UVRAG: variants seen among roughly 807,000 people sequenced by gnomAD.
UVRAG encodes UV radiation resistance associated, also known as UV radiation resistance-associated gene protein.
Under a neutral mutation model 78.0 loss-of-function variants are expected in UVRAG, and 19 were observed. The observed-to-expected ratio is 0.24, with a 90% CI of 0.17 to 0.36. The LOEUF is 0.36. Among genes scored for constraint, UVRAG ranks in the 10% least tolerant of loss-of-function variants. UVRAG has a pLI of 1.00. For missense variants in UVRAG, 740 were observed against 853.8 expected (o/e 0.87, Z 1.66); for synonymous variants, 323 against 324.6 (o/e 1.00, Z 0.05).
chr11:75,917,307 A>C (rs568156185), intron 6 of UVRAG, among the ~76,000 whole-genome samples: 1 of 152,194 alleles, frequency 6.6e-6, no homozygotes, highest in Non-Finnish European at 1.5e-5. Context: ...CAGTCATAAT[A>C]AAAAATATTT....
rs180676160 is a variant in UVRAG, at chr11:76,011,317, T to G, written c.1060+2450T>G. On this transcript the variant is annotated intron_variant, in intron 11 of 14. Coordinates refer to ENST00000356136, the MANE Select transcript of UVRAG (RefSeq NM_003369.4). ...AAATTTTAAGAAGCACATGCAGTAA[T>G]ATTGGACTTTAAAAATCTTACATTG... Among the ~76,000 whole-genome samples, 57 of 152,266 alleles carry G rather than the reference T, an allele frequency of 3.7e-4. No homozygotes were observed. In the East Asian group the frequency reaches 0.01, roughly 27 times the overall value.
chr11:76,128,544 C>T (rs1952455351), intron 14 of UVRAG, among the ~76,000 whole-genome samples: 1 of 152,312 alleles, frequency 6.6e-6, no homozygotes, highest in African/African-American at 2.4e-5. Flanking sequence ...TGGTAAGTGT[C>T]AGCAGCATTA....
chr11:76,119,082 A>G (rs118039404), intron 14 of UVRAG, among the ~76,000 whole-genome samples: 3 of 152,218 alleles, frequency 2.0e-5, no homozygotes, highest in East Asian at 3.9e-4. Flanking sequence ...TTTTAGTTCT[A>G]TGAGTATACT....
In UVRAG at chr11:76,109,387, C is replaced by T. The variant is rs188192267; in HGVS notation, c.1306-6537C>T. Among the ~76,000 whole-genome samples, 15 of 152,346 alleles carry T rather than the reference C, an allele frequency of 9.8e-5. No individual in the cohort carries two copies. The East Asian group carries it at 2.1e-3, about 22-fold the overall frequency. The stretch of plus-strand genomic sequence containing the variant: ...ACCAGCAAGATAAAGTTGAACTCTT[C>T]AGCTTAGCACTCTTAGCCCTCAGCA... On this transcript the variant is annotated intron_variant, in intron 13 of 14. Transcript: ENST00000356136.
At chr11:76,070,920 A>G (rs1373571443) in intron 13 of UVRAG, among the ~76,000 whole-genome samples, 1 of 152,234 alleles carries the variant, frequency 6.6e-6, no homozygotes, top group Non-Finnish European at 1.5e-5. Flanking sequence ...GACAACCATT[A>G]TATATCATTG....
intron 14 of UVRAG, among the ~76,000 whole-genome samples, chr11:76,125,799 G>C (rs1423386637): frequency 6.6e-6 from 1 of 152,048 alleles, no homozygotes; most frequent in African/African-American, 2.4e-5. Context: ...GGAAACAATA[G>C]CCCCATAATT....
At chr11:76,128,477 A>T (rs756878590) in intron 14 of UVRAG, among the ~76,000 whole-genome samples, 2 of 152,198 alleles carry the variant, frequency 1.3e-5, no homozygotes, top group African/African-American at 4.8e-5. Flanking sequence ...TCTGGATCGA[A>T]TGCACTGTCC....
chr11:75,843,221 T>C lies in UVRAG; in HGVS notation c.118-8662T>C, dbSNP rs866647345. On this transcript the variant is annotated intron_variant, in intron 1 of 14. Transcript: ENST00000356136. ...GTTCTGGTGTGTGATCTGACCGGGT[T>C]TTTTAAGACTTGCTTTCCGCTGTAT... 3.9e-5 allele frequency among the ~76,000 whole-genome samples: 6 copies of C among 152,292 alleles called. No homozygotes were observed. In the South Asian group the frequency reaches 1.2e-3, roughly 32 times the overall value.
intron 14 of UVRAG, among the ~76,000 whole-genome samples, chr11:76,133,064 A>G (rs1412695880): frequency 4.6e-5 from 7 of 152,232 alleles, no homozygotes. Flanking sequence ...CTTCACAGAG[A>G]TGTCATAAGG....
At chr11:75,935,123 C>T (rs1231642073) in intron 6 of UVRAG, 1 of 152,028 alleles carries the variant, frequency 6.6e-6, no homozygotes, top group Non-Finnish European at 1.5e-5. Flanking sequence ...TGATCATCAA[C>T]CTTTACAAAA....
chr11:75,965,351 G>T lies in UVRAG; in HGVS notation c.699+3802G>T, dbSNP rs545099144. Among the ~76,000 whole-genome samples, 18 of 151,926 alleles carry T rather than the reference G, an allele frequency of 1.2e-4. No individual in the cohort carries two copies. In the East Asian group the frequency reaches 3.3e-3, roughly 28 times the overall value. On this transcript the variant is annotated intron_variant, in intron 7 of 14. Transcript: ENST00000356136. ...TTTTGAGACGGAGTCTCGCTCTGTCGCCCAGGCTAGAGTGCAGTGGCGCGA... is the reference window on the plus strand; with the variant it reads ...TTTTGAGACGGAGTCTCGCTCTGTCTCCCAGGCTAGAGTGCAGTGGCGCGA...
At chr11:75,972,788 A>C (rs1026366690) in intron 7 of UVRAG, among the ~76,000 whole-genome samples, 2 of 152,238 alleles carry the variant, frequency 1.3e-5, no homozygotes, top group African/African-American at 4.8e-5. Flanking sequence ...TATTAACAAA[A>C]TAATTTGATG....
At chr11:75,912,136 G>T in intron 6 of UVRAG, 97 bp downstream of exon 6, 1 of 886,902 alleles carries the variant, frequency 1.1e-6, no homozygotes, top group Non-Finnish European at 1.8e-6. Context: ...AGCTTTAGAG[G>T]CTGTTATTCA....
chr11:75,941,484 G>A (rs1020027421), intron 6 of UVRAG, among the ~76,000 whole-genome samples: 1 of 152,058 alleles, frequency 6.6e-6, no homozygotes, highest in South Asian at 2.1e-4. Context: ...GTTTCTTTTT[G>A]GAATATTTGC....
At chr11:76,090,821 A>T (rs1442629854) in intron 13 of UVRAG, among the ~76,000 whole-genome samples, 1 of 152,226 alleles carries the variant, frequency 6.6e-6, no homozygotes, top group African/African-American at 2.4e-5. Flanking sequence ...AATAAATTAC[A>T]TATCGGGTAT....
intron 12 of UVRAG, among the ~76,000 whole-genome samples, chr11:76,017,898 A>T (rs1298774116): frequency 6.6e-6 from 1 of 152,218 alleles, no homozygotes; most frequent in African/African-American, 2.4e-5. Flanking sequence ...GAAGAATAAA[A>T]ATAATTTCAA....
intron 1 of UVRAG, among the ~76,000 whole-genome samples, chr11:75,848,688 G>T (rs1164282107): frequency 6.6e-6 from 1 of 152,104 alleles, no homozygotes; most frequent in Non-Finnish European, 1.5e-5. Context: ...TTGAAGAATT[G>T]GTTATTTCCT....
intron 13 of UVRAG, among the ~76,000 whole-genome samples, chr11:76,104,326 T>G (rs1951933591): frequency 6.6e-6 from 1 of 152,080 alleles, no homozygotes; most frequent in Non-Finnish European, 1.5e-5. Context: ...TGGTTACGAG[T>G]TCAAAGTGCT....
intron 14 of UVRAG, among the ~76,000 whole-genome samples, chr11:76,124,616 G>A (rs1952352275): frequency 6.6e-6 from 1 of 152,230 alleles, no homozygotes; most frequent in South Asian, 2.1e-4. Context: ...TCAACAGCAA[G>A]CTAGAATATT....
Sources: gnomAD v4.1 joint callset for allele counts (sites outside exome capture counted in the v4.1 genomes callset) on GRCh38, gnomAD v4.1.1 for gene constraint, MANE v1.5 for transcripts, NCBI Gene and HGNC (gene_info 2026-07-23, HGNC 2026-07-21) for gene names.